The following GTF2E2 variants were observed in gnomAD, a reference collection of about 807,000 sequenced individuals.
The protein encoded by GTF2E2 is transcription initiation factor IIE subunit beta.
GTF2E2 carries 21 observed loss-of-function variants against 40.5 expected under a neutral mutation model. The ratio of observed to expected loss-of-function variants is 0.52; its 90% CI spans 0.37 to 0.75. The LOEUF is 0.75. Among genes scored for constraint, GTF2E2 ranks in the 30% least tolerant of loss-of-function variants. GTF2E2 has a pLI of 0.00. For missense variants in GTF2E2, 298 were observed against 338.4 expected, an observed-to-expected ratio of 0.88 and a Z score of 0.94; for synonymous variants, 117 against 121.6, an observed-to-expected ratio of 0.96 and a Z score of 0.25.
rs1296994244 is a variant in GTF2E2, at chr8:30,580,404, A to G, written c.644-8T>C. 1.5e-6 allele frequency: 2 copies of G among 1,339,088 alleles called. No homozygotes were observed. The highest frequency in any genetic ancestry group is 1.7e-5 in the Admixed American group (1 of 59,500). 83.0% of individuals were successfully genotyped at this position (1,339,088 alleles called of 1,614,324 possible). ...TCCACAGTTTCTGAAATTCTGTATC[A>G]AACAGACACTAGTTATTTTACAATC... On this transcript the variant is annotated splice_region_variant and splice_polypyrimidine_tract_variant and intron_variant, in intron 6 of 7. Coordinates refer to ENST00000355904, the MANE Select transcript of GTF2E2 (RefSeq NM_002095.6).
chr8:30,624,386 C>T (rs1801206189), intron 3 of GTF2E2, among the ~76,000 whole-genome samples: 1 of 152,056 alleles, frequency 6.6e-6, no homozygotes, highest in African/African-American at 2.4e-5. Flanking sequence ...TGTTTTGGTA[C>T]CAGTACCATG....
intron 5 of GTF2E2, among the ~76,000 whole-genome samples, chr8:30,607,634 A>G (rs957225467): frequency 3.9e-5 from 6 of 152,192 alleles, no homozygotes; most frequent in East Asian, 1.9e-4. Flanking sequence ...TTAAAAATTG[A>G]TATTTCCAGA....
At chr8:30,580,923 A>G (rs1280757227) in intron 6 of GTF2E2, among the ~76,000 whole-genome samples, 1 of 152,180 alleles carries the variant, frequency 6.6e-6, no homozygotes, top group African/African-American at 2.4e-5. Context: ...GATGGCTGAA[A>G]TAGAAACACT....
At chr8:30,651,664 A>C (rs1161781313) in intron 2 of GTF2E2, among the ~76,000 whole-genome samples, 10 of 152,212 alleles carry the variant, frequency 6.6e-5, no homozygotes, top group Admixed American at 3.9e-4. Flanking sequence ...TTCTTCCCCA[A>C]ATTGATTTAT....
intron 6 of GTF2E2, among the ~76,000 whole-genome samples, chr8:30,598,807 AAT>A (rs1357237283): frequency 6.6e-6 from 1 of 152,248 alleles, no homozygotes; most frequent in Non-Finnish European, 1.5e-5. Context: ...GACAAAGAGA[AAT>A]AACCTGGTTT....
intron 3 of GTF2E2, among the ~76,000 whole-genome samples, chr8:30,624,381 T>C (rs1387493556): frequency 6.6e-6 from 1 of 152,166 alleles, no homozygotes; most frequent in Non-Finnish European, 1.5e-5. Context: ...ATCTCTGTTT[T>C]GGTACCAGTA....
At chr8:30,610,262 A>G (rs753518354) in intron 5 of GTF2E2, among the ~76,000 whole-genome samples, 3 of 152,058 alleles carry the variant, frequency 2.0e-5, no homozygotes, top group Admixed American at 6.6e-5. Flanking sequence ...ACTGGCCAAC[A>G]TGGTAAAACC....
At chr8:30,655,116 G>GT (rs1321022847) in intron 1 of GTF2E2, among the ~76,000 whole-genome samples, 2 of 151,210 alleles carry the variant, frequency 1.3e-5, no homozygotes, top group African/African-American at 2.4e-5. Flanking sequence ...CACGAGAACT[G>GT]TTTGAGTCCA....
At position 30,578,906 on chromosome 8, in the gene GTF2E2, G is replaced by A. The variant is rs1236962783; in HGVS notation, c.*15C>T. ...ATTGTGTATCTGTAACTCTGTTCCA[G>A]GGCAAAACTGTTCCCTATTTGCTGG... On this transcript the variant is annotated 3_prime_UTR_variant, in exon 8 of 8. Coordinates refer to ENST00000355904, the MANE Select transcript of GTF2E2 (RefSeq NM_002095.6). 3.9e-6 allele frequency: 5 copies of A among 1,266,290 alleles called. No individual in the cohort carries two copies. The highest frequency in any genetic ancestry group is 5.8e-6 in the Non-Finnish European group (5 of 862,336). 78.4% of individuals were successfully genotyped at this position (1,266,290 alleles called of 1,614,324 possible).
At chr8:30,619,338 TGTCA>T (rs1268013450) in intron 3 of GTF2E2, among the ~76,000 whole-genome samples, 2 of 152,280 alleles carry the variant, frequency 1.3e-5, no homozygotes, top group Non-Finnish European at 2.9e-5. Context: ...AAATCAAAAT[TGTCA>T]GTAATTTAAA....
intron 6 of GTF2E2, among the ~76,000 whole-genome samples, chr8:30,586,159 G>A (rs984880168): frequency 3.3e-5 from 5 of 152,068 alleles, no homozygotes; most frequent in African/African-American, 4.8e-5. Context: ...TTAACAACAC[G>A]TGTTATTAAC....
intron 3 of GTF2E2, among the ~76,000 whole-genome samples, chr8:30,619,086 C>T (rs777285435): frequency 1.3e-5 from 2 of 151,992 alleles, no homozygotes; most frequent in Non-Finnish European, 2.9e-5. Context: ...AGACTACAGG[C>T]ATGTGCCACC....
chr8:30,629,579 C>T (rs1801380225), intron 3 of GTF2E2, among the ~76,000 whole-genome samples: 1 of 151,650 alleles, frequency 6.6e-6, no homozygotes, highest in African/African-American at 2.4e-5. Context: ...GTCCCAGCTC[C>T]TCGGGAGGCT....
intron 3 of GTF2E2, among the ~76,000 whole-genome samples, chr8:30,632,370 A>C (rs1299250450): frequency 1.3e-5 from 2 of 152,162 alleles, no homozygotes; most frequent in Admixed American, 6.5e-5. Flanking sequence ...TAATCTATTT[A>C]TTTGAAATTT....
Position 30,587,141 on chromosome 8 carries a change from C to T in GTF2E2, c.644-6745G>A, listed in dbSNP as rs560541483. 3.9e-5 allele frequency among the ~76,000 whole-genome samples: 6 copies of T among 152,272 alleles called. No individual in the cohort carries two copies. The Middle Eastern group carries it at 0.01, about 259-fold the overall frequency. ...TATACAAAATATAGGGCAGGTGCCACAACTCATGCCTATAATCCCAGCACT... is the reference window on the plus strand; with the variant it reads ...TATACAAAATATAGGGCAGGTGCCATAACTCATGCCTATAATCCCAGCACT... On this transcript the variant is annotated intron_variant, in intron 6 of 7. Transcript: ENST00000355904.
chr8:30,610,608 G>A (rs1471752816), intron 5 of GTF2E2, among the ~76,000 whole-genome samples: 3 of 152,014 alleles, frequency 2.0e-5, no homozygotes, highest in South Asian at 2.1e-4. Context: ...GGCAAAGGAC[G>A]GTCTCTTCAT....
chr8:30,625,758 C>A (rs1292552840), intron 3 of GTF2E2, among the ~76,000 whole-genome samples: 1 of 152,118 alleles, frequency 6.6e-6, no homozygotes, highest in Non-Finnish European at 1.5e-5. Context: ...GCCATCACAC[C>A]CAGGTAATTT....
intron 6 of GTF2E2, among the ~76,000 whole-genome samples, chr8:30,589,935 C>G (rs1828795211): frequency 6.6e-6 from 1 of 152,208 alleles, no homozygotes; most frequent in Non-Finnish European, 1.5e-5. Context: ...TGAACAACTA[C>G]TTTAAATTGT....
chr8:30,584,299 G>A (rs1828609450), intron 6 of GTF2E2, among the ~76,000 whole-genome samples: 1 of 150,940 alleles, frequency 6.6e-6, no homozygotes, highest in African/African-American at 2.4e-5. Context: ...TGGAATCAAT[G>A]ATTTCTTCAA....
Sources: allele counts gnomAD v4.1 joint callset (sites outside exome capture counted in the v4.1 genomes callset), GRCh38; gene constraint gnomAD v4.1.1; transcripts MANE v1.5; gene names NCBI Gene and HGNC (gene_info 2026-07-23, HGNC 2026-07-21).